Variants in ITPR2 observed in about 807,000 individuals in gnomAD.
ITPR2 encodes inositol 1,4,5-trisphosphate-gated calcium channel ITPR2.
A neutral mutation model predicts 317.1 loss-of-function variants in ITPR2; 207 were observed. That is an observed-to-expected ratio of 0.65 (90% CI 0.58 to 0.73). ITPR2 has a LOEUF of 0.73. ITPR2 is among the 30% of genes least tolerant of loss of function. The pLI is 0.00. For missense variants in ITPR2, 2,613 were observed against 3,284.0 expected (o/e 0.80, Z 4.99); for synonymous variants, 1,156 against 1,149.1 (o/e 1.01, Z -0.12).
Position 26,414,048 on chromosome 12 carries a change from TGTACACAC to T in ITPR2, c.7306+1247_7306+1254del, listed in dbSNP as rs1414573369. Among the ~76,000 whole-genome samples the T allele has an allele frequency of 4.3e-3, 212 of 49,028 alleles. 3 individuals are homozygous for T. Among genetic ancestry groups the T allele is most frequent in the East Asian group, 0.04 (146 of 3,644 alleles). 32.2% of individuals were successfully genotyped at this position (49,028 alleles called of 152,430 possible). ...GAAGCAGATAGTCTACATGTATATA[TGTACACAC>T]ACACACACACACACACACACACACA... On this transcript the variant is annotated intron_variant, in intron 51 of 56. Transcript: ENST00000381340.
chr12:26,654,156 GA>G, intron 20 of ITPR2, 30 bp from the exon 21 acceptor site: 1 of 1,513,456 alleles, frequency 6.6e-7, no homozygotes, highest in South Asian at 1.2e-5. Flanking sequence ...CGGGGAGGGG[GA>G]GGGTGAAAGA....
intron 46 of ITPR2, among the ~76,000 whole-genome samples, chr12:26,442,272 A>G (rs1224950612): frequency 6.6e-6 from 1 of 152,176 alleles, no homozygotes; most frequent in Non-Finnish European, 1.5e-5. Flanking sequence ...GAAATCGCTC[A>G]GGCACCACTA....
intron 45 of ITPR2, among the ~76,000 whole-genome samples, chr12:26,458,803 C>T (rs1167866182): frequency 5.9e-5 from 9 of 152,180 alleles, no homozygotes; most frequent in African/African-American, 2.2e-4. Context: ...TGTCTGAATC[C>T]GAGTACTTCC....
chr12:26,375,249 A>C (rs1178705200), intron 55 of ITPR2, among the ~76,000 whole-genome samples: 1 of 152,234 alleles, frequency 6.6e-6, no homozygotes, highest in East Asian at 1.9e-4. Context: ...TCTTCAGCAC[A>C]GCAGGAGGAA....
At chr12:26,703,018 A>T (rs1948479259) in intron 9 of ITPR2, among the ~76,000 whole-genome samples, 1 of 152,150 alleles carries the variant, frequency 6.6e-6, no homozygotes, top group South Asian at 2.1e-4. Context: ...TGCCCCCTTC[A>T]CTTCCACATA....
chr12:26,605,126 A>AAAAAAAAAATATATATATATATATAT, intron 26 of ITPR2, among the ~76,000 whole-genome samples: 1 of 136,308 alleles, frequency 7.3e-6, no homozygotes. Context: ...AAAAAATAAA[A>AAAAAAAAAATATATATATATATATAT]ATATATATAT....
chr12:26,363,197 C>T (rs1188457061), intron 55 of ITPR2, among the ~76,000 whole-genome samples: 4 of 152,154 alleles, frequency 2.6e-5, no homozygotes, highest in Non-Finnish European at 4.4e-5. Context: ...GTGTGAACCT[C>T]CTATTGTGAA....
At chr12:26,354,640 C>G (rs1938576209) in intron 55 of ITPR2, among the ~76,000 whole-genome samples, 1 of 152,134 alleles carries the variant, frequency 6.6e-6, no homozygotes. Flanking sequence ...TTCTACCCAG[C>G]AAGAGGAAGA....
At chr12:26,486,035 T>C in intron 41 of ITPR2, 69 bp downstream of exon 41, 1 of 1,547,274 alleles carries the variant, frequency 6.5e-7, no homozygotes, top group Admixed American at 1.7e-5. Flanking sequence ...ACTTGTTGGT[T>C]TTATTTGAAT....
intron 45 of ITPR2, among the ~76,000 whole-genome samples, chr12:26,444,354 G>A (rs185472010): frequency 1.3e-5 from 2 of 152,066 alleles, no homozygotes; most frequent in South Asian, 2.1e-4. Context: ...TGGTTGTCTC[G>A]AGCAATTCCT....
chr12:26,691,878 G>A (rs1463135829), intron 10 of ITPR2, among the ~76,000 whole-genome samples: 1 of 151,824 alleles, frequency 6.6e-6, no homozygotes, highest in Non-Finnish European at 1.5e-5. Flanking sequence ...ACATCCTCCA[G>A]GGCTCTCACT....
chr12:26,485,242 T>C (rs1477095341), intron 41 of ITPR2, among the ~76,000 whole-genome samples: 1 of 152,180 alleles, frequency 6.6e-6, no homozygotes, highest in African/African-American at 2.4e-5. Flanking sequence ...TTATTTCTAT[T>C]AATTTATTAT....
chr12:26,677,808 T>C (rs1008657640), intron 13 of ITPR2, among the ~76,000 whole-genome samples: 5 of 152,176 alleles, frequency 3.3e-5, no homozygotes, highest in African/African-American at 1.2e-4. Flanking sequence ...AAAAGATTGC[T>C]GGTGTCAGGA....
At chr12:26,381,287 T>C (rs1939502041) in intron 55 of ITPR2, among the ~76,000 whole-genome samples, 1 of 152,242 alleles carries the variant, frequency 6.6e-6, no homozygotes, top group African/African-American at 2.4e-5. Flanking sequence ...ATGTCTCACA[T>C]CTATCTTGGT....
intron 55 of ITPR2, among the ~76,000 whole-genome samples, chr12:26,380,520 G>C (rs1236848294): frequency 2.0e-5 from 3 of 152,072 alleles, no homozygotes; most frequent in Non-Finnish European, 4.4e-5. Flanking sequence ...AGACCCCCTT[G>C]GCTTTCCTTG....
chr12:26,691,848 A>G (rs1241148127), intron 10 of ITPR2, among the ~76,000 whole-genome samples: 2 of 152,064 alleles, frequency 1.3e-5, no homozygotes, highest in Non-Finnish European at 2.9e-5. Context: ...AACGATGTGC[A>G]TGCACGTGTG....
chr12:26,424,586 G>GTGT (rs1555123868), intron 49 of ITPR2, among the ~76,000 whole-genome samples: 5 of 88,730 alleles, frequency 5.6e-5, no homozygotes, highest in East Asian at 3.4e-4. Flanking sequence ...TTCGTTTTGT[G>GTGT]TTTTTTTTTT....
intron 37 of ITPR2, among the ~76,000 whole-genome samples, chr12:26,502,663 G>C (rs1943096502): frequency 6.6e-6 from 1 of 152,154 alleles, no homozygotes; most frequent in South Asian, 2.1e-4. Context: ...GCTGAGTGGG[G>C]GGTAAGGCAA....
intron 43 of ITPR2, among the ~76,000 whole-genome samples, chr12:26,478,512 G>C (rs895168469): frequency 2.0e-5 from 3 of 152,012 alleles, no homozygotes; most frequent in African/African-American, 7.2e-5. Context: ...ACCCTCAGCA[G>C]GCCCAATACA....
Sources: allele counts gnomAD v4.1 joint callset (sites outside exome capture counted in the v4.1 genomes callset), GRCh38; gene constraint gnomAD v4.1.1; transcripts MANE v1.5; gene names NCBI Gene and HGNC (gene_info 2026-07-23, HGNC 2026-07-21).